ATP2C2: variants seen among roughly 807,000 people sequenced by gnomAD.
ATP2C2 encodes ATPase secretory pathway Ca2+ transporting 2, also known as calcium-transporting ATPase type 2C member 2.
Under a neutral mutation model 110.8 loss-of-function variants are expected in ATP2C2, and 171 were observed. That is an observed-to-expected ratio of 1.54 (90% confidence interval 1.36 to 1.75). The LOEUF (loss-of-function observed/expected upper bound fraction) is 1.75, where lower values mean the gene tolerates loss of function less well. Among genes scored for constraint, ATP2C2 ranks in the 40% most tolerant of loss-of-function variants. ATP2C2 has a pLI of 0.00. For missense variants in ATP2C2, 1,963 were observed against 1,235.0 expected (o/e 1.59, Z -8.84); for synonymous variants, 804 against 508.4 (o/e 1.58, Z -7.82).
chr16:84,459,802 T>C (rs889764540), intron 23 of ATP2C2: 2 of 522,722 alleles, frequency 3.8e-6, no homozygotes, highest in East Asian at 3.4e-5. Flanking sequence ...CTGATTGTGA[T>C]CTGTCTCCCC....
chr16:84,442,921 C>G (rs551665994), intron 15 of ATP2C2, among the ~76,000 whole-genome samples: 1 of 152,172 alleles, frequency 6.6e-6, no homozygotes, highest in Non-Finnish European at 1.5e-5. Flanking sequence ...GCACCCAACA[C>G]GACCCTGTGC....
chr16:84,460,842 G>A (rs1911251083), intron 24 of ATP2C2, 41 bp downstream of exon 24: 14 of 1,579,988 alleles, frequency 8.9e-6, no homozygotes, highest in Admixed American at 1.8e-5. Flanking sequence ...AAGCCCTGGT[G>A]CGGTGCAGAC....
intron 7 of ATP2C2, among the ~76,000 whole-genome samples, chr16:84,416,429 G>A (rs77130775): frequency 0.019 from 2,818 of 152,292 alleles, 38 homozygotes; most frequent in Middle Eastern, 0.048. Context: ...TTTATTTACT[G>A]ATGGGATGCA....
At chr16:84,434,207 A>T (rs940689293) in intron 11 of ATP2C2, among the ~76,000 whole-genome samples, 16 of 151,956 alleles carry the variant, frequency 1.1e-4, no homozygotes, top group African/African-American at 3.6e-4. Context: ...CATGAGGTCA[A>T]GAGATAGAGA....
chr16:84,400,648 C>G (rs1239971548), intron 2 of ATP2C2, among the ~76,000 whole-genome samples: 3 of 152,110 alleles, frequency 2.0e-5, no homozygotes, highest in East Asian at 3.8e-4. Context: ...TTTTGAGGAA[C>G]CCTCCAAACT....
chr16:84,421,119 T>A (rs1473680053), intron 7 of ATP2C2, among the ~76,000 whole-genome samples: 3 of 152,220 alleles, frequency 2.0e-5, no homozygotes, highest in African/African-American at 7.2e-5. Flanking sequence ...CTTGACAGTT[T>A]TGAGGAGCCC....
chr16:84,439,227 G>C lies in ATP2C2; in HGVS notation c.1048G>C (p.Gly350Arg). ...PIVVMVTLVL[G>R]VLRMAKKRVI... is the part of the protein sequence containing the mutation. ...CGTCGTCATGGTGACGCTGGTCCTG[G>C]GAGTGCTGCGGATGGCCAAGAAGCG... The change falls in exon 12 of 27, where the codon GGA becomes CGA. Residue 350 changes from glycine to arginine, a missense_variant. Physicochemically the swap from Gly to Arg is moderately radical, Grantham distance 125 (BLOSUM62 -2). Coordinates refer to ENST00000262429, the MANE Select transcript of ATP2C2 (RefSeq NM_014861.4). The C allele has an allele frequency of 6.2e-7, 1 of 1,612,326 alleles. No individual in the cohort carries two copies. Among genetic ancestry groups the C allele is most frequent in the East Asian group, 2.2e-5 (1 of 44,880 alleles).
intron 11 of ATP2C2, among the ~76,000 whole-genome samples, chr16:84,434,559 C>G (rs1018325483): frequency 6.6e-6 from 1 of 151,332 alleles, no homozygotes; most frequent in African/African-American, 2.4e-5. Context: ...TCTCTGTCAC[C>G]CAGGCTGGAG....
chr16:84,447,188 G>A (rs1385896353), intron 16 of ATP2C2, among the ~76,000 whole-genome samples: 11 of 151,844 alleles, frequency 7.2e-5, no homozygotes, highest in African/African-American at 1.9e-4. Context: ...GTCTGCCCAC[G>A]CAGACTGCTC....
intron 2 of ATP2C2, among the ~76,000 whole-genome samples, chr16:84,402,813 A>T (rs544872755): frequency 6.6e-6 from 1 of 152,302 alleles, no homozygotes; most frequent in African/African-American, 2.4e-5. Context: ...TCGTAGAATG[A>T]AAGTATTCCC....
chr16:84,453,478 T>G, intron 20 of ATP2C2, 107 bp downstream of exon 20: 2 of 1,452,198 alleles, frequency 1.4e-6, no homozygotes, highest in South Asian at 2.3e-5. Flanking sequence ...GGCCCGACCG[T>G]GGCTTCCTTC....
intron 1 of ATP2C2, among the ~76,000 whole-genome samples, chr16:84,380,578 T>C (rs916595189): frequency 6.6e-6 from 1 of 152,154 alleles, no homozygotes; most frequent in Non-Finnish European, 1.5e-5. Context: ...TGCTTGGGTG[T>C]TCTTGGCCCC....
In ATP2C2 at chr16:84,460,762, C is replaced by T; in HGVS notation, c.2442C>T (p.Ala814=). Residue 814 remains alanine (A), a synonymous_variant, in exon 24 of 27, where the codon GCC becomes GCT. Coordinates refer to ENST00000262429, the MANE Select transcript of ATP2C2 (RefSeq NM_014861.4). ...TCCTGAAGATCCTCATGTCCGCGGC[C>T]ATCATCATCAGCGGGACCCTCTTTA... The part of the protein sequence containing the change: ...ALILKILMSA[A]IIISGTLFIF... 1.2e-6 allele frequency: 2 copies of T among 1,614,044 alleles called. No individual in the cohort carries two copies. The highest frequency in any genetic ancestry group is 1.7e-6 in the Non-Finnish European group (2 of 1,179,924).
intron 7 of ATP2C2, among the ~76,000 whole-genome samples, chr16:84,420,145 C>T (rs943702080): frequency 2.6e-5 from 4 of 152,148 alleles, no homozygotes; most frequent in African/African-American, 9.7e-5. Flanking sequence ...CTTTCCCCAG[C>T]CACCTCTTCT....
chr16:84,428,037 T>C (rs945451099), intron 11 of ATP2C2, among the ~76,000 whole-genome samples: 3 of 152,206 alleles, frequency 2.0e-5, no homozygotes, highest in African/African-American at 7.2e-5. Context: ...CTAATTTATA[T>C]ATGAAGAGTA....
intron 12 of ATP2C2, 30 bp downstream of exon 12, chr16:84,439,320 C>G (rs752102779): frequency 1.2e-6 from 2 of 1,613,650 alleles, no homozygotes; most frequent in South Asian, 1.1e-5. Context: ...GGAATCCTTA[C>G]ACGTGGAATT....
At position 84,439,252 on chromosome 16, in the gene ATP2C2, G is replaced by A. The variant is rs201256097; in HGVS notation, c.1073G>A (p.Arg358Gln). The A allele has an allele frequency of 2.9e-5, 46 of 1,612,470 alleles. No individual in the cohort carries two copies. The African/African-American group carries it at 3.6e-4, about 13-fold the overall frequency. The change falls in exon 12 of 27, where the codon CGG (arginine) becomes CAG (glutamine). Residue 358 changes from arginine to glutamine, a missense_variant. Physicochemically the swap from Arg to Gln is conservative, Grantham distance 43. Coordinates refer to ENST00000262429, the MANE Select transcript of ATP2C2 (RefSeq NM_014861.4). ...VLGVLRMAKK[R>Q]VIVKKLPIVE... ...GGAGTGCTGCGGATGGCCAAGAAGC[G>A]GGTCATCGTGAAGAAGTTACCCATC...
intron 3 of ATP2C2, among the ~76,000 whole-genome samples, chr16:84,407,868 T>G (rs1905915792): frequency 6.6e-6 from 1 of 152,234 alleles, no homozygotes; most frequent in African/African-American, 2.4e-5. Flanking sequence ...CTCTGTAACA[T>G]GAGCTACCAT....
At chr16:84,406,165 C>A (rs1039013105) in intron 3 of ATP2C2, among the ~76,000 whole-genome samples, 2 of 152,200 alleles carry the variant, frequency 1.3e-5, no homozygotes, top group Non-Finnish European at 1.5e-5. Context: ...CTAGCTGCTG[C>A]CATCGGTGCT....
Sources: allele counts gnomAD v4.1 joint callset (sites outside exome capture counted in the v4.1 genomes callset), GRCh38; gene constraint gnomAD v4.1.1; transcripts MANE v1.5; gene names NCBI Gene and HGNC (gene_info 2026-07-23, HGNC 2026-07-21).